CNTNAP2: variants seen among roughly 807,000 people sequenced by gnomAD.
The protein encoded by CNTNAP2 is contactin associated protein 2, also known as contactin-associated protein-like 2.
In CNTNAP2, 98 loss-of-function variants were observed where a neutral mutation model predicts 155.2. That is an observed-to-expected ratio of 0.63 (90% CI 0.54 to 0.75). The LOEUF is 0.75. Among genes scored for constraint, CNTNAP2 ranks in the 30% least tolerant of loss-of-function variants. The pLI is 0.00. For synonymous variants in CNTNAP2, 651 were observed against 631.2 expected, an observed-to-expected ratio of 1.03 and a Z score of -0.47; for missense variants, 1,727 against 1,688.1, an observed-to-expected ratio of 1.02 and a Z score of -0.40.
chr7:146,169,887 C>T (rs1798364197), intron 1 of CNTNAP2, among the ~76,000 whole-genome samples: 1 of 151,812 alleles, frequency 6.6e-6, no homozygotes, highest in African/African-American at 2.4e-5. Context: ...AGTTTGTTTT[C>T]CATATCTTAG....
intron 20 of CNTNAP2, among the ~76,000 whole-genome samples, chr7:148,248,590 GT>G (rs1475369349): frequency 6.6e-6 from 1 of 152,036 alleles, no homozygotes; most frequent in Non-Finnish European, 1.5e-5. Context: ...ATCTGTGGTT[GT>G]TTTTTTAATT....
intron 2 of CNTNAP2, among the ~76,000 whole-genome samples, chr7:146,812,943 CA>C (rs1803095096): frequency 6.6e-6 from 1 of 152,108 alleles, no homozygotes; most frequent in Non-Finnish European, 1.5e-5. Flanking sequence ...TAGCTTCAGA[CA>C]GTGCAAATCC....
intron 8 of CNTNAP2, among the ~76,000 whole-genome samples, chr7:147,197,861 G>GT (rs1437318206): frequency 6.6e-6 from 1 of 151,900 alleles, no homozygotes. Context: ...AGTAACTTTT[G>GT]TTTTTTCTTT....
In CNTNAP2 at chr7:147,108,185, C is replaced by T; in HGVS notation, c.589C>T (p.Pro197Ser). 6.2e-7 allele frequency: 1 copy of T among 1,613,124 alleles called. No homozygotes were observed. The highest frequency in any genetic ancestry group is 8.5e-7 in the Non-Finnish European group (1 of 1,179,648). Residue 197 changes from proline (P) to serine (S), a missense_variant, in exon 5 of 24, where the codon CCA becomes TCA. By Grantham distance (74) the Pro-to-Ser change is moderately conservative. Transcript: ENST00000361727. ...VINFDGHVVL[P>S]YRFRNKKMKT... ...CAACTTTGATGGCCATGTTGTATTA[C>T]CATATAGATTCAGAAACAAGAAGAT...
chr7:146,504,176 TCTC>T (rs745682133), intron 1 of CNTNAP2, among the ~76,000 whole-genome samples: 5 of 152,170 alleles, frequency 3.3e-5, no homozygotes, highest in South Asian at 2.1e-4. Flanking sequence ...CTAAGGGAGT[TCTC>T]CTAGCAGGGA....
intron 2 of CNTNAP2, among the ~76,000 whole-genome samples, chr7:146,788,304 C>T (rs987334865): frequency 5.3e-5 from 8 of 152,218 alleles, no homozygotes; most frequent in Non-Finnish European, 8.8e-5. Flanking sequence ...CCAGAGTGGA[C>T]GCCGAGGCCG....
intron 13 of CNTNAP2, among the ~76,000 whole-genome samples, chr7:147,878,233 C>G (rs1219222372): frequency 6.6e-6 from 1 of 151,666 alleles, no homozygotes; most frequent in Admixed American, 6.6e-5. Flanking sequence ...TGTACAGTGC[C>G]TAAAACAGCT....
intron 1 of CNTNAP2, among the ~76,000 whole-genome samples, chr7:146,490,077 G>A (rs1584948799): frequency 6.6e-6 from 1 of 152,256 alleles, no homozygotes; most frequent in East Asian, 1.9e-4. Context: ...TTGGCTTTCA[G>A]GCTTTAAACT....
At chr7:147,848,260 G>A (rs1177004) in intron 13 of CNTNAP2, among the ~76,000 whole-genome samples, 18,053 of 146,930 alleles carry the variant, frequency 0.12, 1,359 homozygotes, top group African/African-American at 0.16. Context: ...TTCCGTAGGC[G>A]TAGGACCCTC....
Position 146,359,624 on chromosome 7 carries a change from C to G in CNTNAP2, c.97+242651C>G, listed in dbSNP as rs57543607. Among the ~76,000 whole-genome samples the G allele has an allele frequency of 8.5e-3, 1,296 of 152,266 alleles. 16 individuals are homozygous for G. Among genetic ancestry groups the G allele is most frequent in the African/African-American group, 0.03 (1,232 of 41,542 alleles). ...AGAGTTGTAGGAAAACATAACATCT[C>G]TATGAACATTTCACTATTTTGCTAA... On this transcript the variant is annotated intron_variant, in intron 1 of 23. Transcript: ENST00000361727.
chr7:147,822,786 C>T (rs1056903151), intron 13 of CNTNAP2, among the ~76,000 whole-genome samples: 1 of 152,110 alleles, frequency 6.6e-6, no homozygotes, highest in African/African-American at 2.4e-5. Context: ...ATCGCTAAGA[C>T]AGCATTTTCA....
rs532393880 is a variant in CNTNAP2, at chr7:147,411,673, G to A, written c.1670+15893G>A. On this transcript the variant is annotated intron_variant, in intron 10 of 23. Transcript: ENST00000361727. ...AAGAAAGTAGGAGGGTCCACCTTCC[G>A]TTTTAAAAAGCCATTCCAGAAGTTC... 8.5e-5 allele frequency among the ~76,000 whole-genome samples: 13 copies of A among 152,200 alleles called. No homozygotes were observed. In the East Asian group the frequency reaches 1.2e-3, roughly 14 times the overall value.
chr7:146,518,865 A>G (rs1797577057), intron 1 of CNTNAP2, among the ~76,000 whole-genome samples: 1 of 151,840 alleles, frequency 6.6e-6, no homozygotes, highest in Non-Finnish European at 1.5e-5. Flanking sequence ...TTTAAAATCT[A>G]GTTGGGAAGA....
At chr7:147,530,567 CT>C (rs1445142028) in intron 11 of CNTNAP2, among the ~76,000 whole-genome samples, 7 of 152,132 alleles carry the variant, frequency 4.6e-5, no homozygotes, top group African/African-American at 1.7e-4. Context: ...TCTCATGAGA[CT>C]TATTGACTAC....
At chr7:146,255,054 T>C (rs1446190245) in intron 1 of CNTNAP2, among the ~76,000 whole-genome samples, 5 of 152,008 alleles carry the variant, frequency 3.3e-5, no homozygotes, top group African/African-American at 1.2e-4. Context: ...ACTGTTAGTG[T>C]GGTGGTAAGA....
At chr7:147,016,611 T>C (rs951346845) in intron 3 of CNTNAP2, among the ~76,000 whole-genome samples, 37 of 152,122 alleles carry the variant, frequency 2.4e-4, no homozygotes, top group Non-Finnish European at 2.9e-5. Flanking sequence ...ACTGATTTTC[T>C]TGATTTGCCA....
At chr7:148,356,197 A>G (rs937459325) in intron 21 of CNTNAP2, among the ~76,000 whole-genome samples, 9 of 152,232 alleles carry the variant, frequency 5.9e-5, no homozygotes, top group East Asian at 5.8e-4. Flanking sequence ...ATTTGCTTCT[A>G]TGTTCCATAA....
At chr7:148,366,873 G>A (rs1177521525) in intron 21 of CNTNAP2, among the ~76,000 whole-genome samples, 1 of 151,868 alleles carries the variant, frequency 6.6e-6, no homozygotes, top group Non-Finnish European at 1.5e-5. Context: ...GCAAATCCAG[G>A]GCTACTTCCA....
At chr7:147,591,440 C>T (rs1365464832) in intron 12 of CNTNAP2, among the ~76,000 whole-genome samples, 1 of 152,038 alleles carries the variant, frequency 6.6e-6, no homozygotes, top group Non-Finnish European at 1.5e-5. Context: ...GCTTTATGTC[C>T]TCTTTAAAGG....
Sources: allele counts gnomAD v4.1 joint callset (sites outside exome capture counted in the v4.1 genomes callset), GRCh38; gene constraint gnomAD v4.1.1; transcripts MANE v1.5; gene names NCBI Gene and HGNC (gene_info 2026-07-23, HGNC 2026-07-21).